The following SV2C variants were observed in gnomAD, a reference collection of about 807,000 sequenced individuals.
SV2C encodes synaptic vesicle glycoprotein 2C.
A neutral mutation model predicts 79.7 loss-of-function variants in SV2C; 49 were observed. That is an observed-to-expected ratio of 0.61 (90% confidence interval 0.49 to 0.78). The LOEUF is 0.78. Among genes scored for constraint, SV2C ranks in the 30% least tolerant of loss-of-function variants. The probability of loss-of-function intolerance (pLI) is 0.00; values close to 1 mark genes in which losing one functional copy is unlikely to be tolerated. For missense variants in SV2C, 833 were observed against 912.9 expected, an observed-to-expected ratio of 0.91 and a Z score of 1.13; for synonymous variants, 334 against 333.2, an observed-to-expected ratio of 1.00 and a Z score of -0.03.
chr5:76,252,820 A>G (rs1189694689), intron 4 of SV2C, among the ~76,000 whole-genome samples: 1 of 152,224 alleles, frequency 6.6e-6, no homozygotes, highest in African/African-American at 2.4e-5. Flanking sequence ...TGTATCTATT[A>G]TATGAGTAAG....
At chr5:76,160,721 G>A (rs892346600) in intron 2 of SV2C, among the ~76,000 whole-genome samples, 2 of 152,124 alleles carry the variant, frequency 1.3e-5, no homozygotes, top group South Asian at 4.1e-4. Flanking sequence ...AATGGCAAAG[G>A]ACTTGAATAG....
At chr5:75,910,763 A>G in the SV2C span, 6 of 1,360,582 alleles carry the variant, frequency 4.4e-6, no homozygotes, top group Admixed American at 5.1e-5. Flanking sequence ...GGAGCTGCCT[A>G]TTCTTTATAA....
At chr5:76,321,957 A>G (rs1201575773) in intron 12 of SV2C, among the ~76,000 whole-genome samples, 2 of 152,088 alleles carry the variant, frequency 1.3e-5, no homozygotes, top group Admixed American at 6.5e-5. Context: ...GATTTCCCAA[A>G]TGTTACATTG....
chr5:76,211,513 C>T (rs374374027), intron 4 of SV2C, among the ~76,000 whole-genome samples: 16 of 151,630 alleles, frequency 1.1e-4, no homozygotes, highest in Middle Eastern at 6.8e-3. Flanking sequence ...TGCACACACA[C>T]GTGCACATGT....
At chr5:76,322,271 G>T (rs1561317043) in intron 12 of SV2C, among the ~76,000 whole-genome samples, 1 of 152,152 alleles carries the variant, frequency 6.6e-6, no homozygotes, top group Non-Finnish European at 1.5e-5. Flanking sequence ...ACTCATGAGT[G>T]AACTCCCATT....
At chr5:76,044,692 G>C in the SV2C span, among the ~76,000 whole-genome samples, 2 of 151,610 alleles carry the variant, frequency 1.3e-5, no homozygotes, top group Admixed American at 6.6e-5. Context: ...TATTTTTTTT[G>C]GCCACATAAA....
chr5:76,319,907 C>T (rs1270156892), intron 12 of SV2C, among the ~76,000 whole-genome samples: 1 of 152,166 alleles, frequency 6.6e-6, no homozygotes, highest in Non-Finnish European at 1.5e-5. Context: ...TTTTTCTTAT[C>T]AGCAACATAC....
chr5:76,186,838 C>T (rs1181757702), intron 2 of SV2C, among the ~76,000 whole-genome samples: 1 of 152,114 alleles, frequency 6.6e-6, no homozygotes, highest in African/African-American at 2.4e-5. Context: ...CTTATAAAAT[C>T]ATCAGATCTC....
At chr5:76,261,157 T>A (rs573670437) in intron 4 of SV2C, among the ~76,000 whole-genome samples, 24 of 152,242 alleles carry the variant, frequency 1.6e-4, no homozygotes, top group African/African-American at 5.8e-4. Context: ...AGATCCTTCA[T>A]GTCCCTTGTA....
chr5:76,063,316 C>T, the SV2C span, among the ~76,000 whole-genome samples: 2 of 152,118 alleles, frequency 1.3e-5, no homozygotes, highest in South Asian at 2.1e-4. Flanking sequence ...TTCCTTGCGG[C>T]AAATACGTAG....
intron 1 of SV2C, among the ~76,000 whole-genome samples, chr5:76,102,799 A>G (rs778470807): frequency 2.6e-5 from 4 of 152,204 alleles, no homozygotes; most frequent in Non-Finnish European, 5.9e-5. Flanking sequence ...TTGAATAAAT[A>G]TACGTTATTA....
chr5:76,285,658 T>G (rs1282132236), intron 5 of SV2C, 123 bp from the exon 6 acceptor site: 1 of 742,248 alleles, frequency 1.3e-6, no homozygotes, highest in Non-Finnish European at 2.3e-6. Context: ...TCCAATGGGA[T>G]GTACTGAGAT....
intron 2 of SV2C, among the ~76,000 whole-genome samples, chr5:76,169,756 G>T (rs1314716798): frequency 2.0e-5 from 3 of 152,190 alleles, no homozygotes; most frequent in African/African-American, 4.8e-5. Context: ...TGGAATTTGA[G>T]GGGCTTGAGA....
At chr5:76,040,099 GAATT>G in the SV2C span, among the ~76,000 whole-genome samples, 3 of 152,090 alleles carry the variant, frequency 2.0e-5, no homozygotes, top group Admixed American at 6.6e-5. Context: ...TTCTAAGAAA[GAATT>G]AACTCTTTCA....
At chr5:75,861,713 G>A in the SV2C span, among the ~76,000 whole-genome samples, 1 of 152,166 alleles carries the variant, frequency 6.6e-6, no homozygotes, top group Non-Finnish European at 1.5e-5. Flanking sequence ...ATTAATGCAG[G>A]AACAGAAAAC....
At chr5:76,213,826 T>TA (rs1744838641) in intron 4 of SV2C, among the ~76,000 whole-genome samples, 1 of 152,150 alleles carries the variant, frequency 6.6e-6, no homozygotes, top group Non-Finnish European at 1.5e-5. Flanking sequence ...CTCCAGAACT[T>TA]ATCATCTTAT....
At chr5:75,902,441 T>C in the SV2C span, among the ~76,000 whole-genome samples, 1 of 151,930 alleles carries the variant, frequency 6.6e-6, no homozygotes, top group Non-Finnish European at 1.5e-5. Flanking sequence ...GAACAAGGAG[T>C]CTGGATTAGC....
chr5:76,028,471 T>C, the SV2C span, among the ~76,000 whole-genome samples: 11 of 152,340 alleles, frequency 7.2e-5, no homozygotes, highest in South Asian at 2.3e-3. Flanking sequence ...AAAAATCATG[T>C]GAGAAGAGTA....
At chr5:75,863,445 T>C in the SV2C span, among the ~76,000 whole-genome samples, 1 of 152,128 alleles carries the variant, frequency 6.6e-6, no homozygotes, top group Admixed American at 6.5e-5. Context: ...GTCGTAAAAT[T>C]GGAAAGTGGT....
Sources: gnomAD v4.1 joint callset for allele counts (sites outside exome capture counted in the v4.1 genomes callset) on GRCh38, gnomAD v4.1.1 for gene constraint, MANE v1.5 for transcripts, NCBI Gene and HGNC (gene_info 2026-07-23, HGNC 2026-07-21) for gene names.